Variants in GPR83 observed in about 807,000 individuals in gnomAD.
The protein encoded by GPR83 is G-protein coupled receptor 72.
Under a neutral mutation model 28.0 loss-of-function variants are expected in GPR83, and 23 were observed. The ratio of observed to expected loss-of-function variants is 0.82; its 90% CI spans 0.59 to 1.16. The LOEUF (loss-of-function observed/expected upper bound fraction) is 1.16. GPR83 is among the 50% of genes most tolerant of loss of function. The pLI is 0.00. For missense variants in GPR83, 610 were observed against 536.6 expected, an observed-to-expected ratio of 1.14 and a Z score of -1.35; for synonymous variants, 234 against 215.4, an observed-to-expected ratio of 1.09 and a Z score of -0.76.
chr11:94,380,600 T>C lies in GPR83; in HGVS notation c.821A>G (p.Asp274Gly), dbSNP rs1944676997. The C allele has an allele frequency of 3.7e-6, 6 of 1,614,136 alleles. No individual in the cohort carries two copies. Among genetic ancestry groups the C allele is most frequent in the East Asian group, 4.5e-5 (2 of 44,876 alleles). The change falls in exon 4 of 4, where the codon GAT becomes GGT. Residue 274 changes from aspartate to glycine, a missense_variant. Coordinates refer to ENST00000243673, the MANE Select transcript of GPR83 (RefSeq NM_016540.4). The part of the protein sequence containing the change: ...KKLWLCNMIG[D>G]VTTEQYFALR... ...GGCAAAGTACTGCTCTGTGGTCACA[T>C]CGCCAATCATATTACACAGCCACAG...
At position 94,380,460 on chromosome 11, in the gene GPR83, G is replaced by A. The variant is rs200244128; in HGVS notation, c.961C>T (p.Arg321Cys). The change falls in exon 4 of 4, where the codon CGC becomes TGC. Residue 321 changes from arginine (R) to cysteine (C), a missense_variant. Arg to Cys is a radical substitution (Grantham distance 180). Transcript: ENST00000243673. ...GCAAAGTAGAGGGCATTGTTGGTGC[G>A]GATGACCTTGCTGGACAGGAGGAGG... The part of the protein sequence containing the change: ...YVLLLSSKVI[R>C]TNNALYFAFH... 202 of 1,614,094 alleles carry A rather than the reference G, an allele frequency of 1.3e-4. 1 individual carries two copies. The East Asian group carries it at 1.6e-3, about 12-fold the overall frequency.
In GPR83 at chr11:94,377,654, A is replaced by G. The variant is rs770501196; in HGVS notation, c.*2495T>C. On this transcript the variant is annotated 3_prime_UTR_variant, in exon 4 of 4. Transcript: ENST00000243673. ...TATCCATACAACCATTCTGGTTTTCACCTTCAGTACAGTATTCAATAAATT... is the reference window on the plus strand; with the variant it reads ...TATCCATACAACCATTCTGGTTTTCGCCTTCAGTACAGTATTCAATAAATT... 9 of 152,368 alleles carry G rather than the reference A, an allele frequency of 5.9e-5. No individual in the cohort carries two copies. The highest frequency in any genetic ancestry group is 1.3e-4 in the Non-Finnish European group (9 of 68,044). The allele number at this position is 152,368 out of a possible 1,614,324, so 9.4% of individuals were successfully genotyped here.
In GPR83 at chr11:94,380,050, G is replaced by T; in HGVS notation, c.*99C>A. On this transcript the variant is annotated 3_prime_UTR_variant, in exon 4 of 4. Coordinates refer to ENST00000243673, the MANE Select transcript of GPR83 (RefSeq NM_016540.4). ...CAAGAGTCCTACAGCTTCTGCAGGA[G>T]TGTGTTTCCAGCACTCTGAAGATCA... 2.1e-6 allele frequency: 2 copies of T among 943,084 alleles called. No individual in the cohort carries two copies. Among genetic ancestry groups the T allele is most frequent in the Non-Finnish European group, 3.1e-6 (2 of 647,306 alleles). 58.4% of individuals were successfully genotyped at this position (943,084 alleles called of 1,614,324 possible). A position where few individuals can be genotyped will look rare whatever the true frequency, so the allele number is the denominator to read the frequency against.
Position 94,401,142 on chromosome 11 carries a change from G to A in GPR83, c.106C>T (p.Pro36Ser). ...CAAGAGAAGAAGTGCGAGGCATTGG[G>A]CACGGCCAGGGCCGCCTCCGCGCTC... ...EQSAEAALAVPNASHFFSWNN... is the reference protein window; with the variant it reads ...EQSAEAALAVSNASHFFSWNN... The change falls in exon 1 of 4, where the codon CCC (proline) becomes TCC (serine). Residue 36 changes from proline (P) to serine (S), a missense_variant. Transcript: ENST00000243673. The A allele has an allele frequency of 6.2e-6, 10 of 1,614,204 alleles. No individual in the cohort carries two copies. The highest frequency in any genetic ancestry group is 8.5e-6 in the Non-Finnish European group (10 of 1,180,032).
At position 94,378,057 on chromosome 11, in the gene GPR83, T is replaced by C. The variant is rs1944639798; in HGVS notation, c.*2092A>G. The C allele has an allele frequency of 6.6e-6, 1 of 152,116 alleles. No homozygotes were observed. Among genetic ancestry groups the C allele is most frequent in the Non-Finnish European group, 1.5e-5 (1 of 68,010 alleles). 9.4% of individuals were successfully genotyped at this position (152,116 alleles called of 1,614,324 possible). On this transcript the variant is annotated 3_prime_UTR_variant, in exon 4 of 4. Transcript: ENST00000243673. ...ACTTCTTGACACACCACAGAGACAA[T>C]AAGTACAGGCACATGAGCCATTTGT... is the stretch of plus-strand genomic sequence containing the variant.
At chr11:94,387,669 A>C (rs1383989066) in intron 3 of GPR83, among the ~76,000 whole-genome samples, 1 of 152,178 alleles carries the variant, frequency 6.6e-6, no homozygotes, top group East Asian at 1.9e-4. Flanking sequence ...CAGGCTCTGA[A>C]ATGGAGGCAA....
rs1414089617 is a variant in GPR83 at position 94,380,098 on chromosome 11, C to A, written c.*51G>T. Reference sequence around the variant, plus strand: ...TCATGTGTGAGAATAGGCTCTCTTTCCCTGCCTCAGGTGGAGACAGACCCC... The same window carrying A: ...TCATGTGTGAGAATAGGCTCTCTTTACCTGCCTCAGGTGGAGACAGACCCC... On this transcript the variant is annotated 3_prime_UTR_variant, in exon 4 of 4. Coordinates refer to ENST00000243673, the MANE Select transcript of GPR83 (RefSeq NM_016540.4). The A allele has an allele frequency of 7.1e-7, 1 of 1,414,042 alleles. No homozygotes were observed. Among genetic ancestry groups the A allele is most frequent in the Non-Finnish European group, 9.5e-7 (1 of 1,054,272 alleles). The allele number at this position is 1,414,042 out of a possible 1,614,324, so 87.6% of individuals were successfully genotyped here.
intron 3 of GPR83, among the ~76,000 whole-genome samples, chr11:94,388,593 A>G (rs1442524719): frequency 6.6e-6 from 1 of 152,220 alleles, no homozygotes; most frequent in Non-Finnish European, 1.5e-5. Flanking sequence ...AGACAATAAA[A>G]TACCTAGGAA....
At chr11:94,394,301 T>A (rs567471333) in intron 2 of GPR83, among the ~76,000 whole-genome samples, 4 of 152,198 alleles carry the variant, frequency 2.6e-5, no homozygotes, top group African/African-American at 9.7e-5. Flanking sequence ...CAGACACTTA[T>A]GTGGGAACTC....
chr11:94,388,987 T>C (rs1231865923), intron 3 of GPR83, among the ~76,000 whole-genome samples: 2 of 151,980 alleles, frequency 1.3e-5, no homozygotes, highest in East Asian at 3.9e-4. Context: ...TATAAACCAA[T>C]GGAACAGAAC....
intron 3 of GPR83, among the ~76,000 whole-genome samples, chr11:94,385,955 C>T (rs1335404328): frequency 6.6e-6 from 1 of 152,148 alleles, no homozygotes; most frequent in African/African-American, 2.4e-5. Flanking sequence ...AGAGAAAGGT[C>T]GGGTTACCCA....
At chr11:94,385,437 T>A (rs1440952524) in intron 3 of GPR83, among the ~76,000 whole-genome samples, 1 of 152,026 alleles carries the variant, frequency 6.6e-6, no homozygotes, top group African/African-American at 2.4e-5. Flanking sequence ...GGCAAAGAAG[T>A]TAAAAACCTT....
At position 94,401,155 on chromosome 11, in the gene GPR83, C is replaced by T. The variant is rs745601784; in HGVS notation, c.93G>A (p.Ala31=). 2.9e-5 allele frequency: 47 copies of T among 1,613,948 alleles called. No individual in the cohort carries two copies. Among genetic ancestry groups the T allele is most frequent in the Non-Finnish European group, 4.0e-5 (47 of 1,180,004 alleles). ...EGRADEQSAE[A]ALAVPNASHF... The stretch of plus-strand genomic sequence containing the variant: ...GCGAGGCATTGGGCACGGCCAGGGC[C>T]GCCTCCGCGCTCTGCTCGTCGGCCC... The change falls in exon 1 of 4, where the codon GCG becomes GCA. Residue 31 remains alanine (A), a synonymous_variant. Transcript: ENST00000243673.
Position 94,401,070 on chromosome 11 carries a change from G to C in GPR83, c.178C>G (p.Arg60Gly). 1.9e-6 allele frequency: 3 copies of C among 1,614,188 alleles called. No homozygotes were observed. The highest frequency in any genetic ancestry group is 1.7e-6 in the Non-Finnish European group (2 of 1,179,982). The change falls in exon 1 of 4, where the codon CGC becomes GGC. Residue 60 changes from arginine to glycine, a missense_variant. Arg to Gly is a moderately radical substitution (Grantham distance 125). Coordinates refer to ENST00000243673, the MANE Select transcript of GPR83 (RefSeq NM_016540.4). ...GGGTTCTGGGACTCAGCGCCGTAGC[G>C]CCTCCTGCCCACAAAGTTCTGCCAG... Reference protein sequence around the residue: ...SDWQNFVGRRRYGAESQNPTV... With the variant: ...SDWQNFVGRRGYGAESQNPTV...
intron 2 of GPR83, among the ~76,000 whole-genome samples, chr11:94,395,313 T>C (rs552649139): frequency 6.6e-6 from 1 of 152,352 alleles, no homozygotes; most frequent in African/African-American, 2.4e-5. Flanking sequence ...TCTGCATCTT[T>C]GAAGCCTCCT....
chr11:94,378,106 C>T lies in GPR83; in HGVS notation c.*2043G>A, dbSNP rs1565181995. ...GTCCTGAAAAATCCATCTGGGGATC[C>T]CTGTGGGCTTAGAAGACTCTGTCTG... On this transcript the variant is annotated 3_prime_UTR_variant, in exon 4 of 4. Transcript: ENST00000243673. 6.6e-6 allele frequency: 1 copy of T among 152,066 alleles called. No homozygotes were observed. Among genetic ancestry groups the T allele is most frequent in the Non-Finnish European group, 1.5e-5 (1 of 68,016 alleles). 9.4% of individuals were successfully genotyped at this position (152,066 alleles called of 1,614,324 possible). A position where few individuals can be genotyped will look rare whatever the true frequency, so the allele number is the denominator to read the frequency against.
At chr11:94,380,944 C>T (rs1383447392) in intron 3 of GPR83, among the ~76,000 whole-genome samples, 171 bp from the exon 4 acceptor site, 2 of 152,136 alleles carry the variant, frequency 1.3e-5, no homozygotes, top group Non-Finnish European at 1.5e-5. Context: ...TTTCTACCTC[C>T]CCCACTAGGC....
At chr11:94,380,971 G>A (rs567060133) in intron 3 of GPR83, among the ~76,000 whole-genome samples, 198 bp from the exon 4 acceptor site, 23 of 152,216 alleles carry the variant, frequency 1.5e-4, no homozygotes, top group Non-Finnish European at 2.8e-4. Flanking sequence ...TTGCATAGAG[G>A]TAAATAATAC....
Position 94,380,419 on chromosome 11 carries a change from G to T in GPR83, c.1002C>A (p.Ala334=). 6.2e-7 allele frequency: 1 copy of T among 1,614,194 alleles called. No homozygotes were observed. Among genetic ancestry groups the T allele is most frequent in the Non-Finnish European group, 8.5e-7 (1 of 1,180,018 alleles). ...AGGGGTTATAGCAGGTGCTGCTCAT[G>T]GCAAACCAGTGGAAGGCAAAGTAGA... ...NALYFAFHWF[A]MSSTCYNPFI... Residue 334 remains alanine (A), a synonymous_variant, in exon 4 of 4, where the codon GCC becomes GCA. Coordinates refer to ENST00000243673, the MANE Select transcript of GPR83 (RefSeq NM_016540.4).
Sources: allele counts gnomAD v4.1 joint callset (sites outside exome capture counted in the v4.1 genomes callset), GRCh38; gene constraint gnomAD v4.1.1; transcripts MANE v1.5; gene names NCBI Gene and HGNC (gene_info 2026-07-23, HGNC 2026-07-21).